The following GCSH variants were observed in gnomAD, a reference collection of about 807,000 sequenced individuals.
GCSH encodes the protein glycine cleavage system protein H.
In GCSH, 15 loss-of-function variants were observed where a neutral mutation model predicts 21.3. The observed-to-expected ratio is 0.70, with a 90% confidence interval of 0.47 to 1.08. GCSH has a LOEUF of 1.08. GCSH is among the 50% of genes least tolerant of loss of function. The pLI is 0.00. For missense variants in GCSH, 179 were observed against 217.5 expected, an observed-to-expected ratio of 0.82 and a Z score of 1.11; for synonymous variants, 59 against 84.5, an observed-to-expected ratio of 0.70 and a Z score of 1.66.
At chr16:81,095,948 T>C (rs1315761495) in intron 1 of GCSH, among the ~76,000 whole-genome samples, 183 bp downstream of exon 1, 1 of 152,118 alleles carries the variant, frequency 6.6e-6, no homozygotes, top group Non-Finnish European at 1.5e-5. Flanking sequence ...CTCCCGCTAC[T>C]TAAGGGGGAG....
In GCSH at chr16:81,092,821, T is replaced by C. The variant is rs565654194; in HGVS notation, c.149-2141A>G. On this transcript the variant is annotated intron_variant, in intron 1 of 4. Transcript: ENST00000315467. The stretch of plus-strand genomic sequence containing the variant: ...CAACACTTTGGGAGAAAAATATATA[T>C]ATTTTTCCCCTTAAATTATCATGTT... Among the ~76,000 whole-genome samples, 215 of 150,774 alleles carry C rather than the reference T, an allele frequency of 1.4e-3. 1 individual carries two copies. The highest frequency in any genetic ancestry group is 5.1e-3 in the African/African-American group (209 of 40,980).
At chr16:81,084,141 A>G (rs946115590) in intron 4 of GCSH, 2 of 448,668 alleles carry the variant, frequency 4.5e-6, no homozygotes, top group Non-Finnish European at 8.0e-6. Flanking sequence ...CACCACAGCC[A>G]GCTAATTTTT....
chr16:81,096,092 C>A, intron 1 of GCSH, 39 bp downstream of exon 1: 1 of 1,234,230 alleles, frequency 8.1e-7, no homozygotes. Context: ...GCAGCCCAGG[C>A]GGGGAGGGAG....
intron 3 of GCSH, among the ~76,000 whole-genome samples, chr16:81,084,922 A>C (rs1235909596): frequency 4.6e-5 from 7 of 150,542 alleles, no homozygotes. Context: ...TCACTGTGTT[A>C]GCTAGGATGG....
intron 1 of GCSH, among the ~76,000 whole-genome samples, chr16:81,093,215 C>G (rs1423230599): frequency 6.6e-6 from 1 of 151,626 alleles, no homozygotes; most frequent in Non-Finnish European, 1.5e-5. Context: ...AGTTATTTGT[C>G]TTTAACACTT....
chr16:81,085,436 G>C (rs1317480000), intron 3 of GCSH, among the ~76,000 whole-genome samples: 4 of 152,150 alleles, frequency 2.6e-5, no homozygotes, highest in Non-Finnish European at 2.9e-5. Context: ...AATAACAAAT[G>C]GTGATGTGCC....
In GCSH at chr16:81,082,399, T is replaced by G. The variant is rs1214457787; in HGVS notation, c.*467A>C. ...ATAAAAATAGCACCAGCAAATGCAG[T>G]GTATCGCAAAATTAAGATAGTGGTG... On this transcript the variant is annotated 3_prime_UTR_variant, in exon 5 of 5. Coordinates refer to ENST00000315467, the MANE Select transcript of GCSH (RefSeq NM_004483.5). 1 of 378,540 alleles carries G rather than the reference T, an allele frequency of 2.6e-6. No individual in the cohort carries two copies. Among genetic ancestry groups the G allele is most frequent in the Non-Finnish European group, 5.1e-6 (1 of 195,046 alleles). 23.4% of individuals were successfully genotyped at this position (378,540 alleles called of 1,614,324 possible).
chr16:81,093,199 GTA>G (rs1972432517), intron 1 of GCSH, among the ~76,000 whole-genome samples: 1 of 151,684 alleles, frequency 6.6e-6, no homozygotes, highest in African/African-American at 2.4e-5. Flanking sequence ...AAAATAGATA[GTA>G]TATAGTTATT....
chr16:81,091,364 T>C (rs1044298624), intron 1 of GCSH: 12 of 290,558 alleles, frequency 4.1e-5, no homozygotes, highest in Non-Finnish European at 2.0e-5. Context: ...AAGCCATGGG[T>C]TGGTGGAGAA....
At chr16:81,086,414 T>C (rs1972280750) in intron 3 of GCSH, among the ~76,000 whole-genome samples, 1 of 150,746 alleles carries the variant, frequency 6.6e-6, no homozygotes, top group Admixed American at 6.6e-5. Context: ...AAAATTAGCC[T>C]GGTGTGGTTG....
rs181746729 is a variant in GCSH at position 81,082,218 on chromosome 16, G to C, written c.*648C>G. On this transcript the variant is annotated 3_prime_UTR_variant, in exon 5 of 5. Coordinates refer to ENST00000315467, the MANE Select transcript of GCSH (RefSeq NM_004483.5). ...TTTTCTTGGAGCTTTGCATTGTTCT[G>C]GCTTAAATTTCCTTTTAAAAAGTAA... is the stretch of plus-strand genomic sequence containing the variant. 3.7e-4 allele frequency: 166 copies of C among 453,670 alleles called. 1 individual carries two copies. In the East Asian group the frequency reaches 8.8e-3, roughly 24 times the overall value. 28.1% of individuals were successfully genotyped at this position (453,670 alleles called of 1,614,324 possible).
chr16:81,088,381 C>T (rs1464252353), intron 2 of GCSH, among the ~76,000 whole-genome samples: 1 of 152,206 alleles, frequency 6.6e-6, no homozygotes, highest in Non-Finnish European at 1.5e-5. Context: ...TCCTGCCCCA[C>T]ACAAGACTGC....
intron 4 of GCSH, 126 bp downstream of exon 4, chr16:81,084,337 A>T: frequency 1.3e-6 from 1 of 781,588 alleles, no homozygotes; most frequent in Non-Finnish European, 2.2e-6. Context: ...TTTAAAGCAG[A>T]ACATCTCTAT....
intron 1 of GCSH, among the ~76,000 whole-genome samples, chr16:81,093,219 A>C (rs974876481): frequency 6.6e-6 from 1 of 152,102 alleles, no homozygotes; most frequent in African/African-American, 2.4e-5. Context: ...ATTTGTCTTT[A>C]ACACTTAATT....
intron 3 of GCSH, among the ~76,000 whole-genome samples, chr16:81,085,754 G>T (rs1451731948): frequency 6.6e-6 from 1 of 152,136 alleles, no homozygotes; most frequent in Non-Finnish European, 1.5e-5. Context: ...CAGCTACTTG[G>T]GAGACTGAGG....
chr16:81,096,357 G>T lies in GCSH; in HGVS notation c.-79C>A, dbSNP rs1029297241. On this transcript the variant is annotated 5_prime_UTR_variant, in exon 1 of 5. Coordinates refer to ENST00000315467, the MANE Select transcript of GCSH (RefSeq NM_004483.5). ...GGCGGGGCGGGGAGGGGCAGTTCGCGGCCGGAGGGAGCCGGCTGGATGGAG... is the reference window on the plus strand; with the variant it reads ...GGCGGGGCGGGGAGGGGCAGTTCGCTGCCGGAGGGAGCCGGCTGGATGGAG... 3.5e-6 allele frequency: 4 copies of T among 1,128,604 alleles called. No homozygotes were observed. The highest frequency in any genetic ancestry group is 4.2e-5 in the Admixed American group (1 of 23,976). The allele number at this position is 1,128,604 out of a possible 1,614,324, so 69.9% of individuals were successfully genotyped here.
intron 4 of GCSH, 186 bp downstream of exon 4, chr16:81,084,277 C>A: frequency 1.5e-6 from 1 of 658,228 alleles, no homozygotes; most frequent in Non-Finnish European, 2.7e-6. Flanking sequence ...CTGCGCCTAG[C>A]CAGAAATCTT....
At chr16:81,084,669 T>G (rs1972235677) in intron 3 of GCSH, 75 bp from the exon 4 acceptor site, 1 of 1,095,746 alleles carries the variant, frequency 9.1e-7, no homozygotes, top group Non-Finnish European at 1.4e-6. Context: ...TACGAAAAAG[T>G]AGATTCCTGT....
At chr16:81,092,374 T>A (rs1274423676) in intron 1 of GCSH, among the ~76,000 whole-genome samples, 1 of 152,070 alleles carries the variant, frequency 6.6e-6, no homozygotes, top group Non-Finnish European at 1.5e-5. Context: ...TTTCCCAATT[T>A]TAAATACAGT....
Sources: allele counts gnomAD v4.1 joint callset (sites outside exome capture counted in the v4.1 genomes callset), GRCh38; gene constraint gnomAD v4.1.1; transcripts MANE v1.5; gene names NCBI Gene and HGNC (gene_info 2026-07-23, HGNC 2026-07-21).